The following ADAMTSL2 variants were observed in gnomAD, a reference collection of about 807,000 sequenced individuals.
ADAMTSL2 encodes ADAMTS-like protein 2.
ADAMTSL2 carries 55 observed loss-of-function variants against 117.0 expected under a neutral mutation model. That is an observed-to-expected ratio of 0.47 (90% CI 0.38 to 0.59). ADAMTSL2 has a LOEUF of 0.59. ADAMTSL2 is among the 20% of genes least tolerant of loss of function. ADAMTSL2 has a pLI of 0.00. For synonymous variants in ADAMTSL2, 572 were observed against 566.4 expected (o/e 1.01, Z -0.14); for missense variants, 1,182 against 1,354.5 (o/e 0.87, Z 2.00).
At chr9:133,564,501 G>A (rs1368372219) in intron 12 of ADAMTSL2, among the ~76,000 whole-genome samples, 23 of 26,328 alleles carry the variant, frequency 8.7e-4, no homozygotes, top group East Asian at 3.8e-3. Flanking sequence ...AGACAGAGAG[G>A]GAGAGAGAGA....
intron 4 of ADAMTSL2, 101 bp downstream of exon 4, chr9:133,538,525 T>C: frequency 7.4e-7 from 1 of 1,344,980 alleles, no homozygotes; most frequent in Non-Finnish European, 1.1e-6. Context: ...CTGGGCATTC[T>C]GTTGTGGGCT....
chr9:133,564,730 G>A (rs1174640769), intron 12 of ADAMTSL2, among the ~76,000 whole-genome samples: 1 of 151,498 alleles, frequency 6.6e-6, no homozygotes, highest in East Asian at 2.0e-4. Flanking sequence ...GGGTGAGAGA[G>A]AGAGAGAGAA....
chr9:133,545,403 G>A (rs10119879), intron 8 of ADAMTSL2, among the ~76,000 whole-genome samples: 53,048 of 152,090 alleles, frequency 0.35, 9,697 homozygotes, highest in South Asian at 0.43. Flanking sequence ...ATCTCCTAAG[G>A]GGGTGCTGGA....
chr9:133,573,155 A>C (rs947134950), intron 17 of ADAMTSL2, among the ~76,000 whole-genome samples: 1 of 152,240 alleles, frequency 6.6e-6, no homozygotes, highest in Non-Finnish European at 1.5e-5. Context: ...CAGAGGGCTC[A>C]GGTCCCAGAC....
In ADAMTSL2 at chr9:133,554,425, G is replaced by T; in HGVS notation, c.1008G>T (p.Glu336Asp). 1 of 1,566,040 alleles carries T rather than the reference G, an allele frequency of 6.4e-7. No individual in the cohort carries two copies. Reference sequence around the variant, plus strand: ...ACACGCTGCTGCAGCCGCCACACGAGAGCCGCCCCCAGCCCATCTACTATG... The same window carrying T: ...ACACGCTGCTGCAGCCGCCACACGATAGCCGCCCCCAGCCCATCTACTATG... ...FEYTLLQPPH[E>D]SRPQPIYYGF... Residue 336 changes from glutamate (E) to aspartate (D), a missense_variant, in exon 10 of 19, where the codon GAG becomes GAT. Glu to Asp is a conservative substitution (Grantham distance 45). This residue lies in a region of ADAMTSL2 where 345 missense variants were observed against 325.8 expected (regional missense o/e 1.06). Transcript: ENST00000651351. This position sits in a 1 kb window ranked among gnomAD's most constrained non-coding sequence, Gnocchi z 5.2.
Position 133,544,457 on chromosome 9 carries a change from C to A in ADAMTSL2, c.683-13C>A. On this transcript the variant is annotated splice_polypyrimidine_tract_variant and intron_variant, in intron 7 of 18. Transcript: ENST00000651351. ...CAATCAAGAGGGGCTCACTGTCATC[C>A]TTTTGCCTCCAGGTTACTCTCTGGT... 1 of 1,610,228 alleles carries A rather than the reference C, an allele frequency of 6.2e-7. No individual in the cohort carries two copies. Among genetic ancestry groups the A allele is most frequent in the East Asian group, 2.2e-5 (1 of 44,872 alleles).
At chr9:133,565,891 G>A (rs1257278323) in intron 12 of ADAMTSL2, among the ~76,000 whole-genome samples, 1 of 151,610 alleles carries the variant, frequency 6.6e-6, no homozygotes, top group Admixed American at 6.6e-5. Context: ...AGCAGAAGCA[G>A]CAAACCCTAA....
chr9:133,544,661 G>A, intron 8 of ADAMTSL2, 111 bp downstream of exon 8: 1 of 953,870 alleles, frequency 1.0e-6, no homozygotes, highest in Non-Finnish European at 1.7e-6. Flanking sequence ...GACAGGGATG[G>A]ACCAGTGCTG....
intron 2 of ADAMTSL2, among the ~76,000 whole-genome samples, 193 bp from the exon 3 acceptor site, chr9:133,537,212 T>C (rs988031699): frequency 1.3e-5 from 2 of 152,118 alleles, no homozygotes; most frequent in Non-Finnish European, 2.9e-5. Context: ...TGGCCCACGG[T>C]TCCTTGGGAG....
intron 17 of ADAMTSL2, 117 bp downstream of exon 17, chr9:133,570,624 T>C: frequency 1.7e-6 from 2 of 1,154,870 alleles, no homozygotes; most frequent in East Asian, 2.6e-5. Context: ...TGACAGCCTC[T>C]GTGAGGGCTT....
chr9:133,539,617 A>G (rs1194238298), intron 4 of ADAMTSL2, among the ~76,000 whole-genome samples, 154 bp from the exon 5 acceptor site: 3 of 75,390 alleles, frequency 4.0e-5, no homozygotes, highest in Non-Finnish European at 9.2e-5. Context: ...AGCGCGCAGG[A>G]GCCCTAGAGG....
At position 133,563,636 on chromosome 9, in the gene ADAMTSL2, A is replaced by G. The variant is rs1488106173; in HGVS notation, c.1747+2341A>G. On this transcript the variant is annotated intron_variant, in intron 12 of 18. Coordinates refer to ENST00000651351, the MANE Select transcript of ADAMTSL2 (RefSeq NM_014694.4). ...AGCACTGTCTCCCAACACCCAGAGAATGGCAGGGAGGGGGCTGGACTGGGT... is the reference window on the plus strand; with the variant it reads ...AGCACTGTCTCCCAACACCCAGAGAGTGGCAGGGAGGGGGCTGGACTGGGT... Among the ~76,000 whole-genome samples the G allele has an allele frequency of 2.0e-5, 3 of 152,022 alleles. No homozygotes were observed. The East Asian group carries it at 5.8e-4, about 29-fold the overall frequency.
intron 11 of ADAMTSL2, among the ~76,000 whole-genome samples, chr9:133,559,940 G>T (rs1404362034): frequency 6.6e-6 from 1 of 152,230 alleles, no homozygotes; most frequent in Admixed American, 6.5e-5. Context: ...GGCCTCAGAT[G>T]TGTGGTCAAG....
chr9:133,574,602 AG>A, intron 18 of ADAMTSL2, 143 bp from the exon 19 acceptor site: 1 of 769,478 alleles, frequency 1.3e-6, no homozygotes, highest in Non-Finnish European at 2.4e-6. Flanking sequence ...GCCAGGAAGG[AG>A]GGGGCAGAGA....
At chr9:133,544,677 A>G (rs969889051) in intron 8 of ADAMTSL2, 127 bp downstream of exon 8, 8 of 870,596 alleles carry the variant, frequency 9.2e-6, no homozygotes, top group Middle Eastern at 2.2e-4. Context: ...TGCTGTGGGC[A>G]TGGCTGCAGG....
intron 1 of ADAMTSL2, 142 bp from the exon 2 acceptor site, chr9:133,536,421 C>A: frequency 8.1e-7 from 1 of 1,240,854 alleles, no homozygotes. Context: ...TGCTTCCCTG[C>A]ATGCCCTTGG....
chr9:133,546,193 T>C (rs181628719), intron 8 of ADAMTSL2, among the ~76,000 whole-genome samples: 4 of 152,056 alleles, frequency 2.6e-5, no homozygotes, highest in African/African-American at 9.7e-5. Flanking sequence ...CAGTTCCCCT[T>C]GAAACCCCAC....
chr9:133,554,728 CG>C lies in ADAMTSL2; in HGVS notation c.1276+38del. 6.9e-7 allele frequency: 1 copy of C among 1,450,012 alleles called. No individual in the cohort carries two copies. The allele number at this position is 1,450,012 out of a possible 1,614,324, so 89.8% of individuals were successfully genotyped here. ...AGGAGGGAGGCATGAGGGTGGGGCC[CG>C]GGAGGCAGCCCAGGGAAGGGGGCCT... On this transcript the variant is annotated intron_variant, in intron 10 of 18. Transcript: ENST00000651351. This position sits in a 1 kb window ranked among gnomAD's most constrained non-coding sequence, Gnocchi z 5.2.
intron 7 of ADAMTSL2, among the ~76,000 whole-genome samples, chr9:133,542,584 A>G (rs1830251236): frequency 6.6e-6 from 1 of 152,198 alleles, no homozygotes; most frequent in Non-Finnish European, 1.5e-5. Context: ...CCATATTCAC[A>G]AGGTAACTCA....
Sources: allele counts gnomAD v4.1 joint callset (sites outside exome capture counted in the v4.1 genomes callset), GRCh38; gene constraint gnomAD v4.1.1; regional missense constraint gnomAD v4.1.1; non-coding constraint Gnocchi (gnomAD v3.1); transcripts MANE v1.5; gene names NCBI Gene and HGNC (gene_info 2026-07-23, HGNC 2026-07-21).